Variants in SBNO1 observed in about 807,000 individuals in gnomAD.
The protein encoded by SBNO1 is strawberry notch homolog 1, also known as protein strawberry notch homolog 1.
In SBNO1, 23 loss-of-function variants were observed where a neutral mutation model predicts 173.6. The observed-to-expected ratio is 0.13, with a 90% CI of 0.10 to 0.19. SBNO1 has a LOEUF of 0.19. Ranked by LOEUF, SBNO1 falls within the 10% of genes least tolerant of loss-of-function variation. SBNO1 has a pLI of 1.00. For synonymous variants in SBNO1, 632 were observed against 571.5 expected (o/e 1.11, Z -1.51); for missense variants, 1,238 against 1,671.2 (o/e 0.74, Z 4.52).
intron 5 of SBNO1, among the ~76,000 whole-genome samples, chr12:123,340,629 A>G (rs1268434646): frequency 6.7e-6 from 1 of 149,888 alleles, no homozygotes; most frequent in Non-Finnish European, 1.5e-5. Context: ...CCAGATCATT[A>G]TATGATCTGT....
At chr12:123,340,246 A>T (rs1459227477) in intron 5 of SBNO1, among the ~76,000 whole-genome samples, 1 of 152,190 alleles carries the variant, frequency 6.6e-6, no homozygotes, top group Non-Finnish European at 1.5e-5. Flanking sequence ...AAATGTATGG[A>T]ATCAATTGAT....
rs1870598888 is a variant in SBNO1, at chr12:123,326,227, GAACCTCTGGTGAGCAGACCA to G, written c.1780_1799del (p.Trp594LeufsTer11). ...TGGATGCTATGCATAAGTATTTGAA[GAACCTCTGGTGAGCAGACCA>G]GAACTGACCCCACATGGACTTCTTC... On this transcript the variant is annotated frameshift_variant, in exon 14 of 32. Transcript: ENST00000602398. LOFTEE classifies it high-confidence loss of function. 1 of 1,613,386 alleles carries G rather than the reference GAACCTCTGGTGAGCAGACCA, an allele frequency of 6.2e-7. No homozygotes were observed. Among genetic ancestry groups the G allele is most frequent in the African/African-American group, 1.3e-5 (1 of 74,878 alleles).
chr12:123,298,256 ATTTCT>A (rs111488882), intron 30 of SBNO1, 85 bp from the exon 31 acceptor site: 68,417 of 1,306,390 alleles, frequency 0.052, 1,501 homozygotes, highest in South Asian at 0.094. Flanking sequence ...GTCAACTCAA[ATTTCT>A]TTTCTTTTCT....
intron 4 of SBNO1, 114 bp downstream of exon 4, chr12:123,345,144 C>T (rs752499608): frequency 5.9e-6 from 5 of 844,692 alleles, no homozygotes; most frequent in South Asian, 1.7e-5. Flanking sequence ...CAAAATAATG[C>T]ATATAACACC....
chr12:123,335,868 T>C (rs1423607000), intron 6 of SBNO1, among the ~76,000 whole-genome samples: 1 of 152,226 alleles, frequency 6.6e-6, no homozygotes, highest in African/African-American at 2.4e-5. Context: ...CAGAAAAGGA[T>C]GGAATCTTGA....
At chr12:123,338,555 G>A (rs542529455) in intron 5 of SBNO1, among the ~76,000 whole-genome samples, 4 of 151,998 alleles carry the variant, frequency 2.6e-5, no homozygotes, top group East Asian at 1.9e-4. Flanking sequence ...GCGTAGTGGC[G>A]GGCGCCTGTA....
At chr12:123,330,579 T>C in intron 8 of SBNO1, 70 bp from the exon 9 acceptor site, 2 of 756,172 alleles carry the variant, frequency 2.6e-6, no homozygotes, top group Non-Finnish European at 4.0e-6. Flanking sequence ...ATAAAATTAA[T>C]AAAGCCAGGT....
At chr12:123,329,007 C>A in intron 9 of SBNO1, 112 bp from the exon 10 acceptor site, 1 of 593,002 alleles carries the variant, frequency 1.7e-6, no homozygotes, top group South Asian at 2.9e-5. Flanking sequence ...TGACAGGCTT[C>A]AGAAAACATA....
chr12:123,334,238 T>A (rs1187068076), intron 6 of SBNO1, 25 bp from the exon 7 acceptor site: 1 of 1,345,258 alleles, frequency 7.4e-7, no homozygotes, highest in Non-Finnish European at 1.0e-6. Context: ...AAAAACATTT[T>A]ATTTTAATTA....
chr12:123,297,851 G>T, intron 31 of SBNO1, 127 bp downstream of exon 31: 1 of 769,280 alleles, frequency 1.3e-6, no homozygotes. Context: ...AATATAAAAC[G>T]GGTCCCATAC....
rs1200684891 is a variant in SBNO1 at position 123,289,946 on chromosome 12, A to G, written c.*5962T>C. 1.3e-5 allele frequency: 2 copies of G among 152,298 alleles called. No homozygotes were observed. Among genetic ancestry groups the G allele is most frequent in the African/African-American group, 2.4e-5 (1 of 41,476 alleles). 9.4% of individuals were successfully genotyped at this position (152,298 alleles called of 1,614,324 possible). A position where few individuals can be genotyped will look rare whatever the true frequency, so the allele number is the denominator to read the frequency against. On this transcript the variant is annotated 3_prime_UTR_variant, in exon 32 of 32. Coordinates refer to ENST00000602398, the MANE Select transcript of SBNO1 (RefSeq NM_001167856.3). ...CACAAATGGGCCACAAGGGCAGGGT[A>G]CTGGTTAGGGGCCCGCAGTGGAAAA...
rs189080868 is a variant in SBNO1, at chr12:123,291,537, G to A, written c.*4371C>T. The A allele has an allele frequency of 6.6e-6, 1 of 152,176 alleles. No homozygotes were observed. Among genetic ancestry groups the A allele is most frequent in the Non-Finnish European group, 1.5e-5 (1 of 68,006 alleles). 9.4% of individuals were successfully genotyped at this position (152,176 alleles called of 1,614,324 possible). A position where few individuals can be genotyped will look rare whatever the true frequency, so the allele number is the denominator to read the frequency against. ...AATGGCACTCAAGTGCATCCCCCCA[G>A]TACAATGCATTGCACACAACACAAT... On this transcript the variant is annotated 3_prime_UTR_variant, in exon 32 of 32. Transcript: ENST00000602398.
At chr12:123,297,329 CAAAAAAAAAA>C (rs11427958) in intron 31 of SBNO1, among the ~76,000 whole-genome samples, 3 of 32,048 alleles carry the variant, frequency 9.4e-5, no homozygotes, top group Admixed American at 4.4e-4. Flanking sequence ...GACTCAGTCT[CAAAAAAAAAA>C]AAAAAAAAAA....
In SBNO1 at chr12:123,364,725, C is replaced by A. The variant is rs60754073; in HGVS notation, c.-25G>T. On this transcript the variant is annotated 5_prime_UTR_variant, in exon 1 of 32. Transcript: ENST00000602398. ...CTTTCCCCGCGGGACCCGGCGCCAGCACAGCTCCTCCCGGGAGGTGTGAGT... is the reference window on the plus strand; with the variant it reads ...CTTTCCCCGCGGGACCCGGCGCCAGAACAGCTCCTCCCGGGAGGTGTGAGT... 7 of 987,420 alleles carry A rather than the reference C, an allele frequency of 7.1e-6. No homozygotes were observed. The highest frequency in any genetic ancestry group is 7.2e-6 in the Non-Finnish European group (6 of 831,206). The allele number at this position is 987,420 out of a possible 1,614,324, so 61.2% of individuals were successfully genotyped here.
intron 21 of SBNO1, among the ~76,000 whole-genome samples, 175 bp from the exon 22 acceptor site, chr12:123,315,835 A>G (rs986353144): frequency 3.3e-5 from 5 of 152,244 alleles, no homozygotes; most frequent in African/African-American, 4.8e-5. Flanking sequence ...TGACAGAAGT[A>G]TTAGCATTGC....
chr12:123,362,463 A>G (rs1166823705), intron 1 of SBNO1, among the ~76,000 whole-genome samples: 1 of 142,604 alleles, frequency 7.0e-6, no homozygotes, highest in African/African-American at 2.6e-5. Flanking sequence ...AAAAAAAAAA[A>G]AAAAAGGATT....
In SBNO1 at chr12:123,293,821, C is replaced by G. The variant is rs939415602; in HGVS notation, c.*2087G>C. The G allele has an allele frequency of 6.6e-6, 1 of 152,176 alleles. No homozygotes were observed. The highest frequency in any genetic ancestry group is 1.5e-5 in the Non-Finnish European group (1 of 68,036). The allele number at this position is 152,176 out of a possible 1,614,324, so 9.4% of individuals were successfully genotyped here. Reference sequence around the variant, plus strand: ...AAAGAGGAGTTGGGCCAACAGCCTGCGAGAGAAGATCCTTCCCAACTCTGC... The same window carrying G: ...AAAGAGGAGTTGGGCCAACAGCCTGGGAGAGAAGATCCTTCCCAACTCTGC... On this transcript the variant is annotated 3_prime_UTR_variant, in exon 32 of 32. Transcript: ENST00000602398.
Position 123,294,041 on chromosome 12 carries a change from G to A in SBNO1, c.*1867C>T, listed in dbSNP as rs1176789982. 1 of 152,330 alleles carries A rather than the reference G, an allele frequency of 6.6e-6. No individual in the cohort carries two copies. The highest frequency in any genetic ancestry group is 1.5e-5 in the Non-Finnish European group (1 of 68,106). The allele number at this position is 152,330 out of a possible 1,614,324, so 9.4% of individuals were successfully genotyped here. ...TCTTGGCTGCCAGCCGGGTCTAGCG[G>A]CCCTAACAAGGGAAACTGGCTGATA... On this transcript the variant is annotated 3_prime_UTR_variant, in exon 32 of 32. Transcript: ENST00000602398.
At chr12:123,327,666 A>G (rs748322552) in intron 12 of SBNO1, 41 bp downstream of exon 12, 3 of 1,580,802 alleles carry the variant, frequency 1.9e-6, no homozygotes, top group Non-Finnish European at 8.7e-7. Context: ...CACACTTCTT[A>G]GATTGCTACT....
Sources: allele counts gnomAD v4.1 joint callset (sites outside exome capture counted in the v4.1 genomes callset), GRCh38; gene constraint gnomAD v4.1.1; transcripts MANE v1.5; gene names NCBI Gene and HGNC (gene_info 2026-07-23, HGNC 2026-07-21).